MBD1: variants seen among roughly 807,000 people sequenced by gnomAD.
MBD1 encodes the protein methyl-CpG binding domain protein 1, also known as methyl-CpG-binding domain protein 1.
MBD1 carries 25 observed loss-of-function variants against 82.6 expected under a neutral mutation model. That is an observed-to-expected ratio of 0.30 (90% CI 0.22 to 0.42). MBD1 has a LOEUF of 0.42. MBD1 is among the 10% of genes least tolerant of loss of function. The pLI is 1.00. For synonymous variants in MBD1, 301 were observed against 303.7 expected, an observed-to-expected ratio of 0.99 and a Z score of 0.09; for missense variants, 627 against 819.6, an observed-to-expected ratio of 0.76 and a Z score of 2.87.
In MBD1 at chr18:50,275,916, G is replaced by A; in HGVS notation, c.582C>T (p.Cys194=). ...VTEDCGACST[C]LLQLPHDVAS... is the part of the protein sequence containing the mutation. The stretch of plus-strand genomic sequence containing the variant: ...CCACATCATGGGGCAGCTGCAGGAG[G>A]CAGGTGGAGCAGGCCCCACAGTCTT... Residue 194 remains cysteine (C), a synonymous_variant, in exon 7 of 17, where the codon TGC becomes TGT. Coordinates refer to ENST00000269468, the MANE Select transcript of MBD1 (RefSeq NM_015846.4). 7.4e-6 allele frequency: 12 copies of A among 1,614,098 alleles called. No individual in the cohort carries two copies. Among genetic ancestry groups the A allele is most frequent in the Non-Finnish European group, 9.3e-6 (11 of 1,180,034 alleles).
intron 16 of MBD1, chr18:50,270,035 A>G (rs1599198603): frequency 1.3e-6 from 2 of 1,598,150 alleles, no homozygotes; most frequent in Admixed American, 3.3e-5. Flanking sequence ...AATAAATTTC[A>G]TATAGATCAT....
At position 50,272,811 on chromosome 18, in the gene MBD1, C is replaced by A. The variant is rs1425673174; in HGVS notation, c.1716+13G>T. On this transcript the variant is annotated intron_variant, in intron 14 of 16. Coordinates refer to ENST00000269468, the MANE Select transcript of MBD1 (RefSeq NM_015846.4). ...GCAGGGTCAGGGCAGGGTGGGGCAT[C>A]CCCAGCACTGACCACGGGTGTGCCA... The A allele has an allele frequency of 1.2e-6, 2 of 1,613,956 alleles. No individual in the cohort carries two copies. The highest frequency in any genetic ancestry group is 1.3e-5 in the African/African-American group (1 of 74,902).
Position 50,281,521 on chromosome 18 carries a change from C to T in MBD1, c.-184G>A. ...GTCGCCTCCGCGGCTGTTCGTTGCT[C>T]CCGGAACCGGAAGTCCGCTGCCTGC... On this transcript the variant is annotated 5_prime_UTR_variant, in exon 1 of 17. Coordinates refer to ENST00000269468, the MANE Select transcript of MBD1 (RefSeq NM_015846.4). 2 of 578,694 alleles carry T rather than the reference C, an allele frequency of 3.5e-6. No individual in the cohort carries two copies. The highest frequency in any genetic ancestry group is 6.1e-6 in the Non-Finnish European group (2 of 326,066). The allele number at this position is 578,694 out of a possible 1,614,324, so 35.8% of individuals were successfully genotyped here.
chr18:50,279,865 C>T lies in MBD1; in HGVS notation c.110+18G>A, dbSNP rs773427514. The T allele has an allele frequency of 6.2e-7, 1 of 1,613,860 alleles. No homozygotes were observed. Among genetic ancestry groups the T allele is most frequent in the South Asian group, 1.1e-5 (1 of 91,076 alleles). The stretch of plus-strand genomic sequence containing the variant: ...GGCTCTACCCCACTCCTGACTCTGC[C>T]CACTACCCACCCAGTACCTCTGGTA... On this transcript the variant is annotated intron_variant, in intron 2 of 16. Coordinates refer to ENST00000269468, the MANE Select transcript of MBD1 (RefSeq NM_015846.4).
rs770780405 is a variant in MBD1, at chr18:50,272,705, A to G, written c.1750T>C (p.Phe584Leu). 9 of 1,614,048 alleles carry G rather than the reference A, an allele frequency of 5.6e-6. No homozygotes were observed. In the African/African-American group the frequency reaches 8.0e-5, roughly 14 times the overall value. Residue 584 changes from phenylalanine (F) to leucine (L), a missense_variant, in exon 15 of 17, where the codon TTC becomes CTC. Coordinates refer to ENST00000269468, the MANE Select transcript of MBD1 (RefSeq NM_015846.4). Reference sequence around the variant, plus strand: ...GGCAACCAGACTGCTGTATCTCGGAAGCGGGTTCCACCCAGGCTGAAAATC... The same window carrying G: ...GGCAACCAGACTGCTGTATCTCGGAGGCGGGTTCCACCCAGGCTGAAAATC... The part of the protein sequence containing the change: ...TEIFSLGGTR[F>L]RDTAVWLPRS...
intron 1 of MBD1, 26 bp from the exon 2 acceptor site, chr18:50,280,043 G>A (rs767038290): frequency 2.5e-6 from 4 of 1,581,670 alleles, no homozygotes; most frequent in African/African-American, 1.3e-5. Flanking sequence ...AGGGATGAGG[G>A]AAACTGAGGC....
At chr18:50,276,637 G>A in intron 5 of MBD1, 25 bp downstream of exon 5, 1 of 1,612,356 alleles carries the variant, frequency 6.2e-7, no homozygotes, top group Non-Finnish European at 8.5e-7. Context: ...ATCTCCCGAT[G>A]CCCCATCCTC....
In MBD1 at chr18:50,275,468, G is replaced by A. The variant is rs369284077; in HGVS notation, c.792+132C>T. On this transcript the variant is annotated intron_variant, in intron 8 of 16. Coordinates refer to ENST00000269468, the MANE Select transcript of MBD1 (RefSeq NM_015846.4). ...TGCTGGCAGACAGAGGCAGGTAGGC[G>A]GGGCCAGAAAGGCGAGCATAGGGTT... The A allele has an allele frequency of 7.7e-5, 123 of 1,596,076 alleles. No individual in the cohort carries two copies. In the African/African-American group the frequency reaches 1.2e-3, roughly 15 times the overall value.
chr18:50,280,791 C>G (rs1332885140), intron 1 of MBD1, among the ~76,000 whole-genome samples: 1 of 151,986 alleles, frequency 6.6e-6, no homozygotes, highest in Non-Finnish European at 1.5e-5. Context: ...CCAAAAAGTT[C>G]CCCACTTCTC....
chr18:50,271,285 T>C, intron 16 of MBD1, 184 bp downstream of exon 16: 1 of 1,468,638 alleles, frequency 6.8e-7, no homozygotes, highest in South Asian at 1.4e-5. Context: ...AACTTTCTAC[T>C]CTTTCTCTTC....
chr18:50,267,593 G>C, downstream of MBD1: 1 of 1,533,650 alleles, frequency 6.5e-7, no homozygotes, highest in Non-Finnish European at 8.7e-7. Context: ...ACAAATCAGG[G>C]AACCAGGACG....
intron 16 of MBD1, 55 bp downstream of exon 16, chr18:50,271,414 T>C (rs761218031): frequency 3.7e-5 from 60 of 1,613,432 alleles, no homozygotes; most frequent in Non-Finnish European, 4.7e-5. Context: ...CAATCTAGGG[T>C]CCAGCCCCTA....
At chr18:50,267,047 G>A (rs2034021729), downstream of MBD1, 1 of 156,270 alleles carries the variant, frequency 6.4e-6, no homozygotes, top group Non-Finnish European at 1.4e-5. Flanking sequence ...TCAGCCTCCA[G>A]AGTATCTGGG....
intron 1 of MBD1, among the ~76,000 whole-genome samples, chr18:50,280,384 A>G (rs2039742278): frequency 6.6e-6 from 1 of 150,864 alleles, no homozygotes; most frequent in Non-Finnish European, 1.5e-5. Context: ...CTATCCCTCT[A>G]TTTTATCACC....
At chr18:50,271,806 A>C (rs996897423) in intron 15 of MBD1, among the ~76,000 whole-genome samples, 1 of 152,170 alleles carries the variant, frequency 6.6e-6, no homozygotes, top group African/African-American at 2.4e-5. Flanking sequence ...CCCAACAGGA[A>C]CTCAATCAAT....
At position 50,269,403 on chromosome 18, in the gene MBD1, T is replaced by A; in HGVS notation, c.*448A>T. On this transcript the variant is annotated 3_prime_UTR_variant, in exon 17 of 17. Transcript: ENST00000269468. ...AGTAAGATGGGCCACAAGAGACATT[T>A]TGCTTGATAACCGGAGGGCGGAAGT... The A allele has an allele frequency of 9.0e-7, 1 of 1,110,624 alleles. No individual in the cohort carries two copies. The highest frequency in any genetic ancestry group is 1.2e-6 in the Non-Finnish European group (1 of 805,898). The allele number at this position is 1,110,624 out of a possible 1,614,324, so 68.8% of individuals were successfully genotyped here.
chr18:50,281,440 C>T lies in MBD1; in HGVS notation c.-103G>A. The T allele has an allele frequency of 1.7e-6, 1 of 595,174 alleles. No individual in the cohort carries two copies. Among genetic ancestry groups the T allele is most frequent in the South Asian group, 2.0e-5 (1 of 50,774 alleles). 36.9% of individuals were successfully genotyped at this position (595,174 alleles called of 1,614,324 possible). A position where few individuals can be genotyped will look rare whatever the true frequency, so the allele number is the denominator to read the frequency against. On this transcript the variant is annotated 5_prime_UTR_variant, in exon 1 of 17. Transcript: ENST00000269468. ...GCGAGGGTCCCTCCTGCACCTCCCG[C>T]CTCGCCCTCCTCCCCTTCCTCCTCC... is the stretch of plus-strand genomic sequence containing the variant.
Position 50,275,389 on chromosome 18 carries a change from A to G in MBD1, c.793-144T>C, listed in dbSNP as rs752528480. 677 of 1,609,504 alleles carry G rather than the reference A, an allele frequency of 4.2e-4. 2 individuals are homozygous for G. Among genetic ancestry groups the G allele is most frequent in the Non-Finnish European group, 5.0e-4 (594 of 1,178,712 alleles). The stretch of plus-strand genomic sequence containing the variant: ...ACTCACAGTTGGGGGAGCCACAGCC[A>G]GGGGAGTGCGTCGCTGACATCTCTG... On this transcript the variant is annotated intron_variant, in intron 8 of 16. Transcript: ENST00000269468.
chr18:50,275,499 G>A, intron 8 of MBD1, 101 bp downstream of exon 8: 6 of 1,603,486 alleles, frequency 3.7e-6, no homozygotes, highest in Non-Finnish European at 5.1e-6. Flanking sequence ...GGGTTAGGCA[G>A]AAAAGAAAGA....
Sources: gnomAD v4.1 joint callset for allele counts (sites outside exome capture counted in the v4.1 genomes callset) on GRCh38, gnomAD v4.1.1 for gene constraint, MANE v1.5 for transcripts, NCBI Gene and HGNC (gene_info 2026-07-23, HGNC 2026-07-21) for gene names.